The following SPG7 variants were observed in gnomAD, a reference collection of about 807,000 sequenced individuals.
SPG7 encodes the protein mitochondrial inner membrane m-AAA protease component paraplegin.
In SPG7, 103 loss-of-function variants were observed where a neutral mutation model predicts 81.9. The ratio of observed to expected loss-of-function variants is 1.26; its 90% CI spans 1.07 to 1.48. The LOEUF (loss-of-function observed/expected upper bound fraction) is 1.48. SPG7 is among the 40% of genes most tolerant of loss of function. The probability of loss-of-function intolerance (pLI) is 0.00; values close to 1 mark genes in which losing one functional copy is unlikely to be tolerated. For missense variants in SPG7, 1,241 were observed against 1,087.3 expected (o/e 1.14, Z -1.99); for synonymous variants, 534 against 444.2 (o/e 1.20, Z -2.54).
chr16:89,532,403 A>C, intron 8 of SPG7, 60 bp from the exon 9 acceptor site: 2 of 1,584,968 alleles, frequency 1.3e-6, no homozygotes, highest in Non-Finnish European at 1.7e-6. Flanking sequence ...GCCCGGGTAC[A>C]GGAAGAGGCT....
At chr16:89,550,154 A>G (rs1239194393) in intron 12 of SPG7, 2 of 356,630 alleles carry the variant, frequency 5.6e-6, no homozygotes, top group Admixed American at 7.5e-5. Flanking sequence ...CCGGGGTCTC[A>G]GCTCACCCCC....
intron 9 of SPG7, chr16:89,536,861 G>C: frequency 1.2e-6 from 2 of 1,614,156 alleles, no homozygotes. Flanking sequence ...ACAGGGTCAC[G>C]GAGGGCAATG....
chr16:89,541,567 C>T, intron 9 of SPG7: 1 of 155,456 alleles, frequency 6.4e-6, no homozygotes, highest in Non-Finnish European at 1.4e-5. Flanking sequence ...AGCACACACA[C>T]AGGTGAGAGC....
chr16:89,534,276 CCTT>C (rs2058383614), intron 9 of SPG7, among the ~76,000 whole-genome samples: 1 of 152,184 alleles, frequency 6.6e-6, no homozygotes, highest in African/African-American at 2.4e-5. Context: ...TTGCTATCCG[CCTT>C]CTTTCAAGCA....
intron 14 of SPG7, 159 bp from the exon 15 acceptor site, chr16:89,553,635 G>T: frequency 1.5e-6 from 1 of 664,326 alleles, no homozygotes; most frequent in South Asian, 1.7e-5. Context: ...GAACAGTGGT[G>T]AGGTGCCAAC....
chr16:89,553,681 A>G lies in SPG7; in HGVS notation c.1937-113A>G. On this transcript the variant is annotated intron_variant, in intron 14 of 16. Coordinates refer to ENST00000645818, the MANE Select transcript of SPG7 (RefSeq NM_003119.4). The stretch of plus-strand genomic sequence containing the variant: ...TCCAGCTTCACGGTGGGTCCTCGGG[A>G]GGAAGGGGATGGAGGTGGTGCTGCC... 4 of 1,031,370 alleles carry G rather than the reference A, an allele frequency of 3.9e-6. No individual in the cohort carries two copies. In the East Asian group the frequency reaches 9.7e-5, roughly 25 times the overall value. 63.9% of individuals were successfully genotyped at this position (1,031,370 alleles called of 1,614,324 possible).
At chr16:89,537,937 A>C (rs531907576) in intron 9 of SPG7, 1 of 220,396 alleles carries the variant, frequency 4.5e-6, no homozygotes, top group South Asian at 1.6e-4. Flanking sequence ...TGGCAGAGGG[A>C]GAAGCTGAGG....
intron 9 of SPG7, among the ~76,000 whole-genome samples, chr16:89,533,946 A>T (rs894201453): frequency 4.6e-5 from 7 of 152,290 alleles, no homozygotes; most frequent in African/African-American, 1.7e-4. Flanking sequence ...GTGCTGTGCG[A>T]TGGTCTCGCC....
In SPG7 at chr16:89,508,506, G is replaced by A. The variant is rs863224215; in HGVS notation, c.89G>A (p.Ser30Asn). The A allele has an allele frequency of 2.5e-5, 38 of 1,514,754 alleles. No homozygotes were observed. In the African/African-American group the frequency reaches 4.8e-4, roughly 19 times the overall value. 93.8% of individuals were successfully genotyped at this position (1,514,754 alleles called of 1,614,324 possible). A position where few individuals can be genotyped will look rare whatever the true frequency, so the allele number is the denominator to read the frequency against. Residue 30 changes from serine (S) to asparagine (N), a missense_variant, in exon 1 of 17, where the codon AGT becomes AAT. Coordinates refer to ENST00000645818, the MANE Select transcript of SPG7 (RefSeq NM_003119.4). Reference protein sequence around the residue: ...RPLWGPGPAWSPGFPARPGRG... With the variant: ...RPLWGPGPAWNPGFPARPGRG... Reference sequence around the variant, plus strand: ...CTGTGGGGCCCAGGCCCGGCCTGGAGTCCAGGGTTCCCCGCCAGGCCCGGG... The same window carrying A: ...CTGTGGGGCCCAGGCCCGGCCTGGAATCCAGGGTTCCCCGCCAGGCCCGGG...
rs548952339 is a variant in SPG7, at chr16:89,556,092, C to G, written c.2182-795C>G. 581 of 398,848 alleles carry G rather than the reference C, an allele frequency of 1.5e-3. 1 individual carries two copies. Among genetic ancestry groups the G allele is most frequent in the Admixed American group, 2.3e-3 (52 of 22,740 alleles). 24.7% of individuals were successfully genotyped at this position (398,848 alleles called of 1,614,324 possible). A position where few individuals can be genotyped will look rare whatever the true frequency, so the allele number is the denominator to read the frequency against. ...AACGGGAGCAAAGCTGCAGGCAAGG[C>G]TTCTCACTGGCTGAGGAGTGGTGTG... On this transcript the variant is annotated intron_variant, in intron 16 of 16. Transcript: ENST00000645818.
intron 9 of SPG7, chr16:89,536,933 T>G: frequency 6.2e-7 from 1 of 1,614,092 alleles, no homozygotes; most frequent in Non-Finnish European, 8.5e-7. Flanking sequence ...CCTTTTTGAG[T>G]GACTTGAGCC....
chr16:89,512,400 C>T (rs1412425068), intron 2 of SPG7, among the ~76,000 whole-genome samples: 2 of 152,072 alleles, frequency 1.3e-5, no homozygotes, highest in African/African-American at 4.8e-5. Context: ...ACTGCAACCT[C>T]CGCCTCCCGG....
chr16:89,546,640 C>A lies in SPG7; in HGVS notation c.1450-18C>A. ...CTAGGCTTGAGCCCGACTGTCTTTC[C>A]TCCCCTGGTTCTGGCAGGAGAGGCG... On this transcript the variant is annotated intron_variant, in intron 10 of 16. Transcript: ENST00000645818. 1 of 1,583,130 alleles carries A rather than the reference C, an allele frequency of 6.3e-7. No homozygotes were observed. The highest frequency in any genetic ancestry group is 1.1e-5 in the South Asian group (1 of 90,462).
intron 13 of SPG7, 156 bp from the exon 14 acceptor site, chr16:89,552,823 T>G: frequency 1.4e-6 from 1 of 718,292 alleles, no homozygotes; most frequent in Non-Finnish European, 2.4e-6. Flanking sequence ...GCTGGCCATC[T>G]AGAGTGTTAG....
intron 10 of SPG7, chr16:89,545,760 T>C (rs1327035455): frequency 1.6e-5 from 5 of 320,656 alleles, no homozygotes; most frequent in Non-Finnish European, 2.5e-5. Flanking sequence ...ATGGAACATG[T>C]GTGGGAATTG....
rs1375839327 is a variant in SPG7 at position 89,529,553 on chromosome 16, G to A, written c.835G>A (p.Gly279Arg). The change falls in exon 6 of 17, where the codon GGA becomes AGA. Residue 279 changes from glycine (G) to arginine (R), a missense_variant. Physicochemically the swap from Gly to Arg is moderately radical, Grantham distance 125. Coordinates refer to ENST00000645818, the MANE Select transcript of SPG7 (RefSeq NM_003119.4). The stretch of plus-strand genomic sequence containing the variant: ...TGTTTTCCGTCTGGCCGGGATGACT[G>A]GAAGGGAAGGTGGATTCAGTGCTTT... ...WYVFRLAGMT[G>R]REGGFSAFNQ... is the part of the protein sequence containing the mutation. 1 of 1,613,720 alleles carries A rather than the reference G, an allele frequency of 6.2e-7. No individual in the cohort carries two copies. The highest frequency in any genetic ancestry group is 8.5e-7 in the Non-Finnish European group (1 of 1,179,632).
At chr16:89,509,217 C>G (rs998206346) in intron 1 of SPG7, among the ~76,000 whole-genome samples, 5 of 152,004 alleles carry the variant, frequency 3.3e-5, no homozygotes, top group Non-Finnish European at 7.4e-5. Context: ...TTCTCCTAGC[C>G]CTCGCCTAGG....
intron 1 of SPG7, 25 bp downstream of exon 1, chr16:89,508,625 C>T: frequency 7.0e-7 from 1 of 1,433,962 alleles, no homozygotes; most frequent in Non-Finnish European, 9.1e-7. Context: ...AGTCCGGGCC[C>T]CACCTCCCGC....
rs769287313 is a variant in SPG7 at position 89,526,482 on chromosome 16, A to G, written c.758+14A>G. On this transcript the variant is annotated intron_variant, in intron 5 of 16. Transcript: ENST00000645818. ...ATTCTTTGGAAAGTATGTTGGATGT[A>G]TTTGTTGATGCTTGAACTAAACCTA... 8.7e-6 allele frequency: 14 copies of G among 1,613,996 alleles called. No individual in the cohort carries two copies. Among genetic ancestry groups the G allele is most frequent in the Middle Eastern group, 1.6e-4 (1 of 6,084 alleles).
Sources: gnomAD v4.1 joint callset for allele counts (sites outside exome capture counted in the v4.1 genomes callset) on GRCh38, gnomAD v4.1.1 for gene constraint, MANE v1.5 for transcripts, NCBI Gene and HGNC (gene_info 2026-07-23, HGNC 2026-07-21) for gene names.